Variants in PRKCQ observed in about 807,000 individuals in gnomAD.
PRKCQ encodes protein kinase C theta.
Under a neutral mutation model 91.2 loss-of-function variants are expected in PRKCQ, and 41 were observed. The ratio of observed to expected loss-of-function variants is 0.45; its 90% CI spans 0.35 to 0.58. PRKCQ has a LOEUF of 0.58. PRKCQ is among the 20% of genes least tolerant of loss of function. The pLI, the probability that PRKCQ is intolerant of heterozygous loss-of-function variation, is 0.00. For synonymous variants in PRKCQ, 307 were observed against 316.9 expected, an observed-to-expected ratio of 0.97 and a Z score of 0.33; for missense variants, 673 against 896.5, an observed-to-expected ratio of 0.75 and a Z score of 3.18.
intron 1 of PRKCQ, among the ~76,000 whole-genome samples, chr10:6,543,209 T>C (rs1839833017): frequency 1.3e-5 from 2 of 152,188 alleles, no homozygotes; most frequent in African/African-American, 4.8e-5. Flanking sequence ...CAGTAATTGG[T>C]GAGCACACAT....
At chr10:6,510,752 T>C (rs1354224577) in intron 3 of PRKCQ, among the ~76,000 whole-genome samples, 1 of 152,196 alleles carries the variant, frequency 6.6e-6, no homozygotes, top group African/African-American at 2.4e-5. Context: ...TAATTTATCA[T>C]AGTCTAAGAG....
chr10:6,418,276 A>G, the PRKCQ span, among the ~76,000 whole-genome samples: 1 of 152,198 alleles, frequency 6.6e-6, no homozygotes, highest in African/African-American at 2.4e-5. Flanking sequence ...AGATCACTAA[A>G]CTTTCTTGAC....
At chr10:6,462,537 A>T (rs966624413) in intron 13 of PRKCQ, among the ~76,000 whole-genome samples, 172 bp from the exon 14 acceptor site, 8 of 152,202 alleles carry the variant, frequency 5.3e-5, no homozygotes, top group African/African-American at 1.9e-4. Context: ...CACATAAGAA[A>T]GTAGAGGCTC....
chr10:6,565,227 T>C (rs1840798144), intron 1 of PRKCQ, among the ~76,000 whole-genome samples: 1 of 152,218 alleles, frequency 6.6e-6, no homozygotes, highest in South Asian at 2.1e-4. Flanking sequence ...GATCTCTCTT[T>C]ATGTTTACAT....
chr10:6,554,690 G>C (rs1318211916), intron 1 of PRKCQ, among the ~76,000 whole-genome samples: 1 of 152,152 alleles, frequency 6.6e-6, no homozygotes, highest in African/African-American at 2.4e-5. Flanking sequence ...TCTTTTATTA[G>C]AATTTACTTT....
chr10:6,494,439 T>C (rs950845525), intron 7 of PRKCQ, among the ~76,000 whole-genome samples: 2 of 147,872 alleles, frequency 1.4e-5, no homozygotes, highest in African/African-American at 5.0e-5. Context: ...AATATCAACT[T>C]ACAGGTTGTT....
At chr10:6,515,172 T>C (rs918892257) in intron 1 of PRKCQ, 28 bp from the exon 2 acceptor site, 8 of 1,610,888 alleles carry the variant, frequency 5.0e-6, no homozygotes, top group Admixed American at 1.7e-5. Flanking sequence ...ACAAACGCTG[T>C]TTGGGGGCTA....
intron 7 of PRKCQ, 152 bp from the exon 8 acceptor site, chr10:6,491,964 C>T: frequency 1.7e-6 from 2 of 1,210,208 alleles, no homozygotes; most frequent in East Asian, 2.4e-5. Context: ...TCAAGCCCTA[C>T]AGTCATGCCT....
chr10:6,553,183 T>G (rs1474020363), intron 1 of PRKCQ, among the ~76,000 whole-genome samples: 1 of 152,106 alleles, frequency 6.6e-6, no homozygotes, highest in Non-Finnish European at 1.5e-5. Flanking sequence ...GCAAACTCCC[T>G]GAAAAGGTTT....
intron 4 of PRKCQ, among the ~76,000 whole-genome samples, chr10:6,503,887 C>T (rs1838047531): frequency 6.6e-6 from 1 of 152,174 alleles, no homozygotes; most frequent in South Asian, 2.1e-4. Flanking sequence ...AGTGATCCTC[C>T]TGCCTCAGCC....
intron 1 of PRKCQ, among the ~76,000 whole-genome samples, chr10:6,554,333 T>C (rs925350132): frequency 2.6e-5 from 4 of 152,112 alleles, no homozygotes; most frequent in Non-Finnish European, 2.9e-5. Flanking sequence ...GGGTCCAAAC[T>C]GGGAATTAAA....
At chr10:6,561,107 A>G (rs1425743652) in intron 1 of PRKCQ, among the ~76,000 whole-genome samples, 3 of 152,050 alleles carry the variant, frequency 2.0e-5, no homozygotes, top group Non-Finnish European at 4.4e-5. Context: ...CTGGGTGCTC[A>G]TACCTGTAAT....
At chr10:6,411,790 C>A in the PRKCQ span, among the ~76,000 whole-genome samples, 3 of 152,168 alleles carry the variant, frequency 2.0e-5, no homozygotes, top group Non-Finnish European at 4.4e-5. Context: ...ATCACTGTCA[C>A]CTGAGGGCCA....
In PRKCQ at chr10:6,445,899, C is replaced by G. The variant is rs181495725; in HGVS notation, c.1648-3818G>C. Reference sequence around the variant, plus strand: ...GGCGTCAAAGCAACCAGAAACGTCTCTGAACCACATATCTTTGTAAACAAC... The same window carrying G: ...GGCGTCAAAGCAACCAGAAACGTCTGTGAACCACATATCTTTGTAAACAAC... On this transcript the variant is annotated intron_variant, in intron 15 of 17. Transcript: ENST00000263125. 9.5e-4 allele frequency among the ~76,000 whole-genome samples: 145 copies of G among 152,370 alleles called. No individual in the cohort carries two copies. The Middle Eastern group carries it at 0.017, about 18-fold the overall frequency.
chr10:6,451,496 G>A (rs1012054551), intron 15 of PRKCQ, among the ~76,000 whole-genome samples: 1 of 152,110 alleles, frequency 6.6e-6, no homozygotes, highest in Non-Finnish European at 1.5e-5. Context: ...TCTACCAGAG[G>A]TACAAGGAGG....
chr10:6,426,371 C>T (rs1833121966), downstream of PRKCQ, among the ~76,000 whole-genome samples: 1 of 152,190 alleles, frequency 6.6e-6, no homozygotes, highest in East Asian at 1.9e-4. Context: ...GGCTCCCTGC[C>T]CTCCACTGGC....
At position 6,564,486 on chromosome 10, in the gene PRKCQ, C is replaced by T. The variant is rs537042344; in HGVS notation, c.-10+15725G>A. On this transcript the variant is annotated intron_variant, in intron 1 of 17. Transcript: ENST00000263125. ...CTTGCCTGGCCCGTGACCTGTTTTT[C>T]ACCCAAAGACCAAAGCAGCAGGAAC... Among the ~76,000 whole-genome samples, 18 of 152,148 alleles carry T rather than the reference C, an allele frequency of 1.2e-4. No individual in the cohort carries two copies. In the South Asian group the frequency reaches 3.5e-3, roughly 30 times the overall value.
At chr10:6,485,384 A>T in intron 9 of PRKCQ, 115 bp from the exon 10 acceptor site, 1 of 769,178 alleles carries the variant, frequency 1.3e-6, no homozygotes, top group Non-Finnish European at 2.3e-6. Flanking sequence ...TAGGGTCAAC[A>T]AAGATCTCCT....
chr10:6,493,787 T>C (rs192232120), intron 7 of PRKCQ, among the ~76,000 whole-genome samples: 3 of 152,358 alleles, frequency 2.0e-5, no homozygotes, highest in Admixed American at 2.0e-4. Context: ...GTACAGGTGA[T>C]CAAACATGAA....
Sources: gnomAD v4.1 joint callset for allele counts (sites outside exome capture counted in the v4.1 genomes callset) on GRCh38, gnomAD v4.1.1 for gene constraint, MANE v1.5 for transcripts, NCBI Gene and HGNC (gene_info 2026-07-23, HGNC 2026-07-21) for gene names.